TNIP3: variants seen among roughly 807,000 people sequenced by gnomAD.
The protein encoded by TNIP3 is TNFAIP3 interacting protein 3, also known as TNFAIP3-interacting protein 3.
TNIP3 carries 34 observed loss-of-function variants against 54.1 expected under a neutral mutation model. The ratio of observed to expected loss-of-function variants is 0.63; its 90% CI spans 0.48 to 0.84. The LOEUF is 0.84. TNIP3 is among the 40% of genes least tolerant of loss of function. TNIP3 has a pLI of 0.00. For synonymous variants in TNIP3, 134 were observed against 136.8 expected, an observed-to-expected ratio of 0.98 and a Z score of 0.14; for missense variants, 366 against 387.6, an observed-to-expected ratio of 0.94 and a Z score of 0.47.
At chr4:121,180,457 T>TA (rs1234745153) in intron 3 of TNIP3, among the ~76,000 whole-genome samples, 1 of 152,146 alleles carries the variant, frequency 6.6e-6, no homozygotes, top group Non-Finnish European at 1.5e-5. Context: ...ATTGAATGAC[T>TA]AAATAGTGTC....
intron 5 of TNIP3, chr4:121,154,348 G>T: frequency 1.8e-6 from 1 of 569,206 alleles, no homozygotes; most frequent in Non-Finnish European, 3.0e-6. Context: ...TCTTTGTAGG[G>T]ACAAAAATTC....
intron 2 of TNIP3, among the ~76,000 whole-genome samples, chr4:121,159,841 G>A (rs887163870): frequency 6.6e-6 from 1 of 152,262 alleles, no homozygotes; most frequent in East Asian, 1.9e-4. Flanking sequence ...AAATTCCAAC[G>A]CTTATCTATA....
At chr4:121,181,135 T>A (rs550681189) in intron 3 of TNIP3, among the ~76,000 whole-genome samples, 1 of 152,248 alleles carries the variant, frequency 6.6e-6, no homozygotes, top group African/African-American at 2.4e-5. Context: ...TAGAAGAGGT[T>A]TTTACCATGT....
chr4:121,181,842 G>A (rs1724729876), intron 3 of TNIP3, among the ~76,000 whole-genome samples: 1 of 152,128 alleles, frequency 6.6e-6, no homozygotes, highest in East Asian at 1.9e-4. Context: ...TTTGTTTAAG[G>A]GAGGCCACAC....
rs10561132 is a variant in TNIP3, at chr4:121,132,213, A to AACACACACACACACAC, written c.*402_*417dup. On this transcript the variant is annotated 3_prime_UTR_variant, in exon 11 of 11. Transcript: ENST00000057513. ...AACTGCAGAAATTTTTACCCCAGGAAACACACACACACACACACACACACA... is the reference window on the plus strand; with the variant it reads ...AACTGCAGAAATTTTTACCCCAGGAAACACACACACACACACACACACACACACACACACACACACA... 1 of 146,902 alleles carries AACACACACACACACAC rather than the reference A, an allele frequency of 6.8e-6. No homozygotes were observed. The highest frequency in any genetic ancestry group is 2.5e-5 in the African/African-American group (1 of 39,570). The allele number at this position is 146,902 out of a possible 1,614,324, so 9.1% of individuals were successfully genotyped here.
rs187603743 is a variant in TNIP3, at chr4:121,149,286, T to G, written c.609+817A>C. Among the ~76,000 whole-genome samples the G allele has an allele frequency of 2.5e-4, 38 of 152,340 alleles. 1 individual carries two copies. Among genetic ancestry groups the G allele is most frequent in the Admixed American group, 2.5e-3 (38 of 15,304 alleles). On this transcript the variant is annotated intron_variant, in intron 6 of 10. Transcript: ENST00000057513. ...ATGCTCTTGTGCATCAGTGAATTGC[T>G]AAGTGGTGCCATCCATACACGGGAC...
At chr4:121,202,615 A>G (rs548825775) in intron 2 of TNIP3, among the ~76,000 whole-genome samples, 121 of 152,336 alleles carry the variant, frequency 7.9e-4, no homozygotes, top group Admixed American at 1.7e-3. Context: ...CTGCACAGCA[A>G]AAGAAATAAT....
At chr4:121,224,653 T>A (rs1456160362) in intron 1 of TNIP3, among the ~76,000 whole-genome samples, 1 of 152,214 alleles carries the variant, frequency 6.6e-6, no homozygotes, top group East Asian at 1.9e-4. Context: ...TTAAAGTTGA[T>A]AATCTTTCTA....
intron 2 of TNIP3, among the ~76,000 whole-genome samples, chr4:121,206,284 G>A (rs1195656366): frequency 6.6e-6 from 1 of 152,098 alleles, no homozygotes; most frequent in East Asian, 1.9e-4. Flanking sequence ...GAATACACAA[G>A]TCTTAATCAA....
intron 1 of TNIP3, among the ~76,000 whole-genome samples, chr4:121,223,056 C>T (rs1436102553): frequency 6.6e-6 from 1 of 152,164 alleles, no homozygotes. Flanking sequence ...CCGCCCGCCT[C>T]GGCCTCCCAA....
chr4:121,190,277 A>T (rs1203090712), intron 2 of TNIP3, among the ~76,000 whole-genome samples: 1 of 152,184 alleles, frequency 6.6e-6, no homozygotes, highest in Non-Finnish European at 1.5e-5. Context: ...CCTTTGAATT[A>T]TAAACTTCAT....
intron 1 of TNIP3, among the ~76,000 whole-genome samples, chr4:121,163,014 A>C (rs993340694): frequency 1.3e-5 from 2 of 151,182 alleles, no homozygotes; most frequent in African/African-American, 4.9e-5. Context: ...GAAAATTATA[A>C]TACATTTCAC....
At chr4:121,176,514 TATG>T (rs70948383) in intron 3 of TNIP3, among the ~76,000 whole-genome samples, 63,837 of 147,044 alleles carry the variant, frequency 0.43, 15,161 homozygotes, top group East Asian at 0.7. Context: ...CTACTAGCAT[TATG>T]ATGATGATGA....
At chr4:121,186,038 G>C (rs1178616811) in intron 2 of TNIP3, among the ~76,000 whole-genome samples, 1 of 152,230 alleles carries the variant, frequency 6.6e-6, no homozygotes, top group African/African-American at 2.4e-5. Context: ...TCTCACGTGA[G>C]CCTGGTTCAG....
chr4:121,184,299 T>C (rs1724885451), intron 2 of TNIP3, among the ~76,000 whole-genome samples: 1 of 152,230 alleles, frequency 6.6e-6, no homozygotes, highest in Non-Finnish European at 1.5e-5. Context: ...AATGCCTGTA[T>C]GGCAGAGGTT....
chr4:121,137,678 A>G (rs1195495887), intron 10 of TNIP3: 3 of 282,250 alleles, frequency 1.1e-5, no homozygotes, highest in Non-Finnish European at 2.1e-5. Flanking sequence ...CTGACTCCCT[A>G]TTTACACTCC....
chr4:121,141,810 A>G lies in TNIP3; in HGVS notation c.885+6T>C. On this transcript the variant is annotated splice_donor_region_variant and intron_variant, in intron 9 of 10. Coordinates refer to ENST00000057513, the MANE Select transcript of TNIP3 (RefSeq NM_024873.6). ...TAAGCACTTTTTCAAATGCACTCTT[A>G]CTTACTGGGTGCTCCCGTTGCTTCT... 6.6e-7 allele frequency: 1 copy of G among 1,521,660 alleles called. No individual in the cohort carries two copies. Among genetic ancestry groups the G allele is most frequent in the Non-Finnish European group, 8.8e-7 (1 of 1,132,606 alleles). 94.3% of individuals were successfully genotyped at this position (1,521,660 alleles called of 1,614,324 possible).
Position 121,150,755 on chromosome 4 carries a change from A to G in TNIP3, c.493-536T>C, listed in dbSNP as rs116668287. Among the ~76,000 whole-genome samples the G allele has an allele frequency of 3.8e-3, 573 of 152,318 alleles. 4 individuals are homozygous for G. Among genetic ancestry groups the G allele is most frequent in the African/African-American group, 0.013 (552 of 41,574 alleles). On this transcript the variant is annotated intron_variant, in intron 5 of 10. Transcript: ENST00000057513. ...ATATAACTATGGCATGCCTCCAACA[A>G]GAGAGAGGGACATCCACAGAAATGA...
At chr4:121,169,361 C>T (rs1445246146) in intron 3 of TNIP3, among the ~76,000 whole-genome samples, 5 of 152,182 alleles carry the variant, frequency 3.3e-5, no homozygotes, top group Admixed American at 6.5e-5. Context: ...GTGTAAGTGA[C>T]ATCTGTTTAT....
Sources: gnomAD v4.1 joint callset for allele counts (sites outside exome capture counted in the v4.1 genomes callset) on GRCh38, gnomAD v4.1.1 for gene constraint, MANE v1.5 for transcripts, NCBI Gene and HGNC (gene_info 2026-07-23, HGNC 2026-07-21) for gene names.